The following CACNB2 variants were observed in gnomAD, a reference collection of about 807,000 sequenced individuals.
CACNB2 encodes voltage-dependent L-type calcium channel subunit beta-2.
A neutral mutation model predicts 73.3 loss-of-function variants in CACNB2; 42 were observed. The observed-to-expected ratio is 0.57, with a 90% CI of 0.45 to 0.74. The LOEUF is 0.74. CACNB2 is among the 30% of genes least tolerant of loss of function. The pLI, the probability that CACNB2 is intolerant of heterozygous loss-of-function variation, is 0.00. For synonymous variants in CACNB2, 348 were observed against 310.3 expected, an observed-to-expected ratio of 1.12 and a Z score of -1.28; for missense variants, 940 against 853.0, an observed-to-expected ratio of 1.10 and a Z score of -1.27.
intron 2 of CACNB2, among the ~76,000 whole-genome samples, chr10:18,275,391 G>A (rs190403728): frequency 2.0e-5 from 3 of 152,276 alleles, no homozygotes; most frequent in Admixed American, 6.5e-5. Flanking sequence ...ATAGATACAA[G>A]AGACTCCATA....
intron 2 of CACNB2, among the ~76,000 whole-genome samples, chr10:18,378,889 C>T (rs1421036110): frequency 6.6e-6 from 1 of 152,186 alleles, no homozygotes; most frequent in Non-Finnish European, 1.5e-5. Flanking sequence ...TCTTTCTGCT[C>T]CCAACTCCTT....
At chr10:18,285,339 TG>T (rs1169657583) in intron 2 of CACNB2, among the ~76,000 whole-genome samples, 2 of 152,226 alleles carry the variant, frequency 1.3e-5, no homozygotes, top group Admixed American at 6.5e-5. Context: ...CTTGGGATGC[TG>T]TCTCTTGGAA....
intron 9 of CACNB2, among the ~76,000 whole-genome samples, chr10:18,523,361 T>C (rs1323693428): frequency 6.6e-6 from 1 of 152,238 alleles, no homozygotes; most frequent in African/African-American, 2.4e-5. Flanking sequence ...TGAGTAAGTT[T>C]TGAATTTGGA....
At chr10:18,381,920 G>A (rs1010764346) in intron 2 of CACNB2, among the ~76,000 whole-genome samples, 1 of 151,880 alleles carries the variant, frequency 6.6e-6, no homozygotes, top group African/African-American at 2.4e-5. Context: ...ACTTATCCCC[G>A]GCATCGCCTG....
intron 2 of CACNB2, among the ~76,000 whole-genome samples, chr10:18,313,240 C>A (rs907257961): frequency 2.0e-5 from 3 of 150,572 alleles, no homozygotes; most frequent in Admixed American, 6.7e-5. Flanking sequence ...AATCTAGTAT[C>A]GCAAAAACAG....
At chr10:18,495,839 T>C (rs1419911462) in intron 3 of CACNB2, among the ~76,000 whole-genome samples, 1 of 152,034 alleles carries the variant, frequency 6.6e-6, no homozygotes, top group East Asian at 1.9e-4. Context: ...CTAGAAAAAA[T>C]AGAAACATCA....
intron 2 of CACNB2, among the ~76,000 whole-genome samples, chr10:18,254,332 C>CT (rs1399614764): frequency 6.6e-6 from 1 of 152,128 alleles, no homozygotes; most frequent in Non-Finnish European, 1.5e-5. Flanking sequence ...TGTAGTCTAC[C>CT]TCAATAACAC....
chr10:18,320,226 C>T (rs890832539), intron 2 of CACNB2, among the ~76,000 whole-genome samples: 2 of 152,190 alleles, frequency 1.3e-5, no homozygotes, highest in African/African-American at 4.8e-5. Flanking sequence ...CATGTACTCT[C>T]CAATTTTTCT....
At chr10:18,214,704 A>G (rs1266597386) in intron 2 of CACNB2, among the ~76,000 whole-genome samples, 1 of 151,740 alleles carries the variant, frequency 6.6e-6, no homozygotes, top group Non-Finnish European at 1.5e-5. Flanking sequence ...GTTGCCTACC[A>G]TTGCCCTGTT....
At chr10:18,290,834 G>C (rs2131769543) in intron 2 of CACNB2, among the ~76,000 whole-genome samples, 1 of 152,338 alleles carries the variant, frequency 6.6e-6, no homozygotes, top group African/African-American at 2.4e-5. Context: ...ACTGATAGTA[G>C]CAAAATTTAG....
chr10:18,538,309 C>G lies in CACNB2; in HGVS notation c.1432C>G (p.Arg478Gly), dbSNP rs551742573. 12 of 1,614,126 alleles carry G rather than the reference C, an allele frequency of 7.4e-6. No homozygotes were observed. In the Admixed American group the frequency reaches 1.3e-4, roughly 18 times the overall value. Residue 478 changes from arginine (R) to glycine (G), a missense_variant, in exon 13 of 14, where the codon CGT (arginine) becomes GGT (glycine). By Grantham distance (125) the Arg-to-Gly change is moderately radical. Transcript: ENST00000324631. ...TAGCCTCCCCAACCCTCTCCTTAGC[C>G]GTACATTAGCCACTTCAAGTCTGCC... Reference protein sequence around the residue: ...SSSLPNPLLSRTLATSSLPLS... With the variant: ...SSSLPNPLLSGTLATSSLPLS...
chr10:18,533,991 T>C (rs772315739), intron 10 of CACNB2, 85 bp from the exon 11 acceptor site: 18 of 1,300,546 alleles, frequency 1.4e-5, no homozygotes, highest in Non-Finnish European at 2.0e-5. Flanking sequence ...GCTGACCTAC[T>C]CACCTTTCTG....
intron 2 of CACNB2, among the ~76,000 whole-genome samples, chr10:18,272,133 A>C (rs916127586): frequency 1.3e-5 from 2 of 151,860 alleles, no homozygotes; most frequent in African/African-American, 4.8e-5. Context: ...TATTGGGTGA[A>C]TCAGTTTTTT....
At chr10:18,151,501 G>T (rs140305489) in intron 2 of CACNB2, among the ~76,000 whole-genome samples, 2 of 152,192 alleles carry the variant, frequency 1.3e-5, no homozygotes, top group African/African-American at 4.8e-5. Context: ...CATAGCCTTC[G>T]TCTCATTTAA....
chr10:18,306,361 A>G (rs1454711674), intron 2 of CACNB2, among the ~76,000 whole-genome samples: 1 of 152,208 alleles, frequency 6.6e-6, no homozygotes, highest in Non-Finnish European at 1.5e-5. Flanking sequence ...ACAGAGGTCT[A>G]GGGTTTGAAA....
intron 3 of CACNB2, among the ~76,000 whole-genome samples, chr10:18,432,074 T>C (rs1231216223): frequency 6.6e-6 from 1 of 152,206 alleles, no homozygotes; most frequent in East Asian, 1.9e-4. Context: ...AAGACTATTA[T>C]TTATGTTTGT....
At chr10:18,165,516 G>A (rs551390976) in intron 2 of CACNB2, among the ~76,000 whole-genome samples, 2 of 152,190 alleles carry the variant, frequency 1.3e-5, no homozygotes, top group African/African-American at 2.4e-5. Flanking sequence ...AGGTTCAGGC[G>A]ACTGTTGAGC....
Position 18,231,169 on chromosome 10 carries a change from A to G in CACNB2, c.213+80194A>G, listed in dbSNP as rs553128365. On this transcript the variant is annotated intron_variant, in intron 2 of 13. Transcript: ENST00000324631. ...TGCATGGCTTGTGGTATCATGTTCA[A>G]CTCTTTTTTCTTCTTCTTCTTTTTT... is the stretch of plus-strand genomic sequence containing the variant. 3.3e-5 allele frequency among the ~76,000 whole-genome samples: 5 copies of G among 151,892 alleles called. No individual in the cohort carries two copies. In the South Asian group the frequency reaches 8.3e-4, roughly 25 times the overall value.
chr10:18,504,969 T>A (rs190147033), intron 5 of CACNB2, among the ~76,000 whole-genome samples: 55 of 152,320 alleles, frequency 3.6e-4, no homozygotes, highest in African/African-American at 1.2e-3. Flanking sequence ...AAATGTAGTT[T>A]TGTTTTGAGG....
Sources: allele counts gnomAD v4.1 joint callset (sites outside exome capture counted in the v4.1 genomes callset), GRCh38; gene constraint gnomAD v4.1.1; transcripts MANE v1.5; gene names NCBI Gene and HGNC (gene_info 2026-07-23, HGNC 2026-07-21).